The following VRK3 variants were observed in gnomAD, a reference collection of about 807,000 sequenced individuals.
The protein encoded by VRK3 is VRK serine/threonine kinase 3.
A neutral mutation model predicts 60.4 loss-of-function variants in VRK3; 50 were observed. The observed-to-expected ratio is 0.83, with a 90% CI of 0.66 to 1.05. The LOEUF is 1.05. VRK3 is among the 50% of genes least tolerant of loss of function. VRK3 has a pLI of 0.00. For missense variants in VRK3, 549 were observed against 585.3 expected (o/e 0.94, Z 0.64); for synonymous variants, 246 against 227.8 (o/e 1.08, Z -0.72).
intron 1 of VRK3, among the ~76,000 whole-genome samples, chr19:50,022,124 A>T (rs1244283078): frequency 3.9e-5 from 6 of 152,228 alleles, no homozygotes; most frequent in African/African-American, 1.4e-4. Context: ...CCTAGAAAAC[A>T]GTGGGGACGC....
At chr19:50,014,417 G>A (rs2077041520) in intron 3 of VRK3, among the ~76,000 whole-genome samples, 1 of 152,090 alleles carries the variant, frequency 6.6e-6, no homozygotes. Flanking sequence ...AAATCAACTG[G>A]GCTTGGTGGC....
At position 49,997,402 on chromosome 19, in the gene VRK3, T is replaced by C; in HGVS notation, c.679+102A>G. The stretch of plus-strand genomic sequence containing the variant: ...GATGGGAGCAAACCTGGGCCTTTAA[T>C]CTAAGCCCACCCTTCTCATGCCTGC... On this transcript the variant is annotated intron_variant, in intron 7 of 14. Coordinates refer to ENST00000316763, the MANE Select transcript of VRK3 (RefSeq NM_016440.4). 3.0e-6 allele frequency: 4 copies of C among 1,351,056 alleles called. No individual in the cohort carries two copies. In the Admixed American group the frequency reaches 6.3e-5, roughly 21 times the overall value. The allele number at this position is 1,351,056 out of a possible 1,614,324, so 83.7% of individuals were successfully genotyped here.
rs1420424565 is a variant in VRK3 at position 49,992,791 on chromosome 19, T to C, written c.963+69A>G. 1.4e-5 allele frequency: 20 copies of C among 1,433,844 alleles called. 1 individual carries two copies. Among genetic ancestry groups the C allele is most frequent in the South Asian group, 1.0e-4 (9 of 86,426 alleles). 88.8% of individuals were successfully genotyped at this position (1,433,844 alleles called of 1,614,324 possible). On this transcript the variant is annotated intron_variant, in intron 10 of 14. Coordinates refer to ENST00000316763, the MANE Select transcript of VRK3 (RefSeq NM_016440.4). The stretch of plus-strand genomic sequence containing the variant: ...TCTGTAATAAGCACTATGAAATAAA[T>C]AGAGATTTGGAGACAGATGGGAACC...
rs375525547 is a variant in VRK3, at chr19:50,010,108, T to C, written c.140-723A>G. On this transcript the variant is annotated intron_variant, in intron 3 of 14. Coordinates refer to ENST00000316763, the MANE Select transcript of VRK3 (RefSeq NM_016440.4). ...CATACAATGATTGTGTGTATATATA[T>C]ACACACATACACATATATACATATA... Among the ~76,000 whole-genome samples, 82 of 152,226 alleles carry C rather than the reference T, an allele frequency of 5.4e-4. 1 individual carries two copies. The South Asian group carries it at 0.015, about 28-fold the overall frequency.
At position 50,025,358 on chromosome 19, in the gene VRK3, C is replaced by G. The variant is rs999726147; in HGVS notation, c.-156G>C. ...TACCCGGACTCACCTTCTCAGTTGC[C>G]CAGCGAAAACTTCCGCTGGGCGGAG... On this transcript the variant is annotated 5_prime_UTR_variant, in exon 1 of 15. Transcript: ENST00000316763. 1 of 152,210 alleles carries G rather than the reference C, an allele frequency of 6.6e-6. No individual in the cohort carries two copies. 9.4% of individuals were successfully genotyped at this position (152,210 alleles called of 1,614,324 possible). A position where few individuals can be genotyped will look rare whatever the true frequency, so the allele number is the denominator to read the frequency against.
intron 1 of VRK3, among the ~76,000 whole-genome samples, chr19:50,023,399 G>C (rs913629318): frequency 6.6e-6 from 1 of 152,198 alleles, no homozygotes; most frequent in Non-Finnish European, 1.5e-5. Context: ...TGGCCAGGCT[G>C]GTCTTAAACT....
chr19:49,998,044 T>C (rs1209051286), intron 6 of VRK3: 2 of 152,632 alleles, frequency 1.3e-5, no homozygotes, highest in East Asian at 1.9e-4. Flanking sequence ...GGTTATGCGT[T>C]GAAAATGTTG....
chr19:50,023,091 G>A (rs933926768), intron 1 of VRK3, among the ~76,000 whole-genome samples: 6 of 152,324 alleles, frequency 3.9e-5, no homozygotes, highest in Middle Eastern at 3.4e-3. Context: ...GTCCCCCTAA[G>A]AGTGCACACA....
chr19:50,004,896 C>T (rs570058356), intron 5 of VRK3, among the ~76,000 whole-genome samples: 1 of 151,592 alleles, frequency 6.6e-6, no homozygotes, highest in South Asian at 2.1e-4. Context: ...GGTGATGGAG[C>T]GAGACTCCAT....
At chr19:50,015,947 C>A (rs199736722) in intron 3 of VRK3, 77 bp downstream of exon 3, 2 of 1,588,804 alleles carry the variant, frequency 1.3e-6, no homozygotes, top group South Asian at 2.2e-5. Flanking sequence ...GCTGCAAAGG[C>A]ATCCTCCCTC....
intron 2 of VRK3, chr19:50,019,429 G>A (rs558857846): frequency 1.3e-5 from 2 of 151,380 alleles, no homozygotes; most frequent in Non-Finnish European, 1.5e-5. Flanking sequence ...TTGTATTAGC[G>A]AGAAATAATG....
intron 13 of VRK3, among the ~76,000 whole-genome samples, 181 bp downstream of exon 13, chr19:49,980,774 T>TG (rs61527709): frequency 0.053 from 8,067 of 152,192 alleles, 701 homozygotes; most frequent in African/African-American, 0.18. Flanking sequence ...TTTGTTTTGT[T>TG]TTTCAGAGGC....
intron 6 of VRK3, chr19:50,000,583 C>A: frequency 1.6e-6 from 1 of 608,962 alleles, no homozygotes; most frequent in Non-Finnish European, 2.9e-6. Flanking sequence ...CAGAGCCAGA[C>A]TTGGGTGGAT....
intron 5 of VRK3, among the ~76,000 whole-genome samples, chr19:50,002,020 G>A (rs1049807058): frequency 1.3e-5 from 2 of 152,126 alleles, no homozygotes; most frequent in Non-Finnish European, 2.9e-5. Context: ...CACAGGTGGT[G>A]GCCTTAAAAT....
chr19:50,009,086 G>T, intron 4 of VRK3, 150 bp downstream of exon 4: 1 of 930,308 alleles, frequency 1.1e-6, no homozygotes, highest in Non-Finnish European at 1.6e-6. Context: ...TGGAGGGGGA[G>T]ATGGGAGGCT....
intron 10 of VRK3, among the ~76,000 whole-genome samples, chr19:49,992,567 A>T (rs2076629234): frequency 6.6e-6 from 1 of 152,236 alleles, no homozygotes; most frequent in Admixed American, 6.5e-5. Context: ...TTTTGTTCAA[A>T]GGGTGAAAAT....
In VRK3 at chr19:49,995,256, C is replaced by T. The variant is rs140220611; in HGVS notation, c.699G>A (p.Leu233=). Residue 233 remains leucine (L), a synonymous_variant, in exon 8 of 15, where the codon CTG becomes CTA. Coordinates refer to ENST00000316763, the MANE Select transcript of VRK3 (RefSeq NM_016440.4). ...KPLQVNKWKK[L]YSTPLLAIPT... is the part of the protein sequence containing the mutation. ...GGATGGCCAGCAGTGGGGTCGAGTA[C>T]AGCTTCTTCCACTTGTTGACTGCGG... 78 of 1,614,088 alleles carry T rather than the reference C, an allele frequency of 4.8e-5. No individual in the cohort carries two copies. The highest frequency in any genetic ancestry group is 1.1e-4 in the African/African-American group (8 of 74,932).
intron 12 of VRK3, among the ~76,000 whole-genome samples, chr19:49,983,634 A>G (rs953442719): frequency 1.3e-5 from 2 of 152,266 alleles, no homozygotes; most frequent in Non-Finnish European, 2.9e-5. Context: ...CTTGAATGCC[A>G]GAAAGCCTCG....
rs778960163 is a variant in VRK3 at position 50,009,321 on chromosome 19, G to A, written c.204C>T (p.Thr68=). 3.1e-6 allele frequency: 5 copies of A among 1,614,064 alleles called. No homozygotes were observed. The highest frequency in any genetic ancestry group is 2.2e-5 in the East Asian group (1 of 44,870). Residue 68 remains threonine, a synonymous_variant, in exon 4 of 15, where the codon ACC becomes ACT. Transcript: ENST00000316763. ...TSPKKVKWSS[T]VTSPRLSLFS... ...AGAGGGATAATCGGGGAGAGGTGAC[G>A]GTGCTGGACCATTTCACTTTCTTAG... is the stretch of plus-strand genomic sequence containing the variant.
Sources: gnomAD v4.1 joint callset for allele counts (sites outside exome capture counted in the v4.1 genomes callset) on GRCh38, gnomAD v4.1.1 for gene constraint, MANE v1.5 for transcripts, NCBI Gene and HGNC (gene_info 2026-07-23, HGNC 2026-07-21) for gene names.